The following RYR2 variants were observed in gnomAD, a reference collection of about 807,000 sequenced individuals.
The protein encoded by RYR2 is cardiac muscle ryanodine receptor-calcium release channel.
RYR2 carries 227 observed loss-of-function variants against 601.1 expected under a neutral mutation model. The ratio of observed to expected loss-of-function variants is 0.38; its 90% CI spans 0.34 to 0.42. The LOEUF (loss-of-function observed/expected upper bound fraction) is 0.42, where lower values mean the gene tolerates loss of function less well. RYR2 is among the 10% of genes least tolerant of loss of function. The pLI is 1.00. For missense variants in RYR2, 4,646 were observed against 6,156.5 expected, an observed-to-expected ratio of 0.75 and a Z score of 8.21; for synonymous variants, 2,223 against 2,175.1, an observed-to-expected ratio of 1.02 and a Z score of -0.61.
chr1:237,108,031 TA>T (rs1668944803), intron 1 of RYR2, among the ~76,000 whole-genome samples: 1 of 152,238 alleles, frequency 6.6e-6, no homozygotes, highest in South Asian at 2.1e-4. Context: ...TAATTAGAGC[TA>T]ACCTTCCTGG....
intron 1 of RYR2, among the ~76,000 whole-genome samples, chr1:237,146,350 G>A (rs1673998292): frequency 6.6e-6 from 1 of 152,188 alleles, no homozygotes; most frequent in Non-Finnish European, 1.5e-5. Flanking sequence ...CTGGGAAGGG[G>A]CACTGCCGAA....
chr1:237,194,210 T>C (rs1680308701), intron 1 of RYR2, among the ~76,000 whole-genome samples: 1 of 152,226 alleles, frequency 6.6e-6, no homozygotes, highest in South Asian at 2.1e-4. Context: ...CTTCTACTGA[T>C]TTCCTTTTCT....
intron 63 of RYR2, among the ~76,000 whole-genome samples, chr1:237,687,913 G>A (rs932928955): frequency 2.0e-5 from 3 of 152,028 alleles, no homozygotes; most frequent in African/African-American, 7.2e-5. Flanking sequence ...TAATGCTCTT[G>A]ACTACAGATT....
intron 16 of RYR2, among the ~76,000 whole-genome samples, chr1:237,462,907 G>T (rs1659644207): frequency 6.6e-6 from 1 of 152,076 alleles, no homozygotes; most frequent in South Asian, 2.1e-4. Flanking sequence ...TAAAATTTCA[G>T]CTTGGTGATA....
chr1:237,772,136 G>T (rs758004871), intron 86 of RYR2, 36 bp downstream of exon 86: 13 of 1,156,450 alleles, frequency 1.1e-5, no homozygotes, highest in Admixed American at 6.1e-5. Context: ...AAATTAAAAG[G>T]GTTGGTATGT....
intron 1 of RYR2, among the ~76,000 whole-genome samples, chr1:237,070,371 T>C (rs550976507): frequency 6.6e-6 from 1 of 152,146 alleles, no homozygotes; most frequent in South Asian, 2.1e-4. Context: ...TCCAACAGCT[T>C]AATTGGACCA....
At chr1:237,492,697 G>A (rs1004955342) in intron 18 of RYR2, among the ~76,000 whole-genome samples, 15 of 152,000 alleles carry the variant, frequency 9.9e-5, no homozygotes, top group African/African-American at 3.6e-4. Context: ...AAATTAGCCA[G>A]ATGTGGTGGC....
chr1:237,181,294 T>G (rs1229863910), intron 1 of RYR2, among the ~76,000 whole-genome samples: 1 of 152,152 alleles, frequency 6.6e-6, no homozygotes, highest in African/African-American at 2.4e-5. Flanking sequence ...GCTAAGCACT[T>G]TTATACATTA....
At chr1:237,415,085 G>A (rs999545062) in intron 10 of RYR2, among the ~76,000 whole-genome samples, 3 of 152,138 alleles carry the variant, frequency 2.0e-5, no homozygotes, top group African/African-American at 7.2e-5. Flanking sequence ...ATCCTGCCAT[G>A]CACAGGACAG....
chr1:237,485,330 A>G (rs1662569954), intron 17 of RYR2, among the ~76,000 whole-genome samples: 1 of 152,214 alleles, frequency 6.6e-6, no homozygotes, highest in African/African-American at 2.4e-5. Flanking sequence ...TCACTTATTC[A>G]TTTGGCAAAC....
chr1:237,302,819 C>T (rs1479324561), intron 2 of RYR2, among the ~76,000 whole-genome samples: 2 of 152,160 alleles, frequency 1.3e-5, no homozygotes, highest in Non-Finnish European at 2.9e-5. Flanking sequence ...TCTCTGGACA[C>T]TGTTCAACAT....
intron 44 of RYR2, among the ~76,000 whole-genome samples, chr1:237,637,879 G>T (rs151207126): frequency 1.8e-3 from 273 of 152,196 alleles, no homozygotes; most frequent in Non-Finnish European, 3.0e-3. Flanking sequence ...TGGTTGCCCT[G>T]TCTGACAAGG....
chr1:237,112,952 C>A (rs111835981), intron 1 of RYR2, among the ~76,000 whole-genome samples: 3,046 of 152,230 alleles, frequency 0.02, 87 homozygotes, highest in African/African-American at 0.064. Context: ...CGTCATATAA[C>A]TATTTATTAA....
At chr1:237,738,369 C>T (rs114531386) in intron 79 of RYR2, among the ~76,000 whole-genome samples, 1 of 152,054 alleles carries the variant, frequency 6.6e-6, no homozygotes, top group Non-Finnish European at 1.5e-5. Context: ...GTAGTAACTA[C>T]CCATAAACCC....
At chr1:237,375,415 G>T (rs1233496017) in intron 7 of RYR2, among the ~76,000 whole-genome samples, 1 of 152,044 alleles carries the variant, frequency 6.6e-6, no homozygotes, top group East Asian at 1.9e-4. Flanking sequence ...CTTTTACAAT[G>T]AGCATGCATC....
At chr1:237,096,532 A>C (rs1572618905) in intron 1 of RYR2, among the ~76,000 whole-genome samples, 1 of 152,256 alleles carries the variant, frequency 6.6e-6, no homozygotes, top group East Asian at 1.9e-4. Context: ...GGCTTTGCTG[A>C]GGGAGGCAAT....
In RYR2 at chr1:237,760,993, C is replaced by T; in HGVS notation, c.11441C>T (p.Ala3814Val). 6.3e-7 allele frequency: 1 copy of T among 1,580,160 alleles called. No individual in the cohort carries two copies. The highest frequency in any genetic ancestry group is 8.6e-7 in the Non-Finnish European group (1 of 1,161,516). ...DLNAFERQNK[A>V]EGLGMVTEEG... ...AATGCATTTGAGCGACAAAACAAAG[C>T]TGAAGGTCTTGGGATGGTGACAGAG... The change falls in exon 84 of 105, where the codon GCT becomes GTT. Residue 3814 changes from alanine (A) to valine (V), a missense_variant. This residue lies in a region of RYR2 where 1,497 missense variants were observed against 1,842.6 expected (regional missense o/e 0.81). Coordinates refer to ENST00000366574, the MANE Select transcript of RYR2 (RefSeq NM_001035.3).
At chr1:237,049,962 A>G (rs1661047594) in intron 1 of RYR2, among the ~76,000 whole-genome samples, 1 of 152,124 alleles carries the variant, frequency 6.6e-6, no homozygotes, top group African/African-American at 2.4e-5. Context: ...CCAGAATGTT[A>G]CAGTCAGCCT....
intron 3 of RYR2, among the ~76,000 whole-genome samples, chr1:237,348,706 G>A (rs537389797): frequency 3.3e-5 from 5 of 152,196 alleles, no homozygotes; most frequent in African/African-American, 9.6e-5. Flanking sequence ...GTGTTATTAG[G>A]CATGTAAGGA....
Sources: gnomAD v4.1 joint callset for allele counts (sites outside exome capture counted in the v4.1 genomes callset) on GRCh38, gnomAD v4.1.1 for gene constraint, gnomAD v4.1.1 regional missense constraint, MANE v1.5 for transcripts, NCBI Gene and HGNC (gene_info 2026-07-23, HGNC 2026-07-21) for gene names.